SPATA3: variants seen among roughly 807,000 people sequenced by gnomAD.
SPATA3 encodes the protein spermatogenesis-associated protein 3.
A neutral mutation model predicts 5.7 loss-of-function variants in SPATA3; 6 were observed. The observed-to-expected ratio is 1.06, with a 90% CI of 0.58 to 2.09. The LOEUF (loss-of-function observed/expected upper bound fraction) is 2.09. SPATA3 is among the 30% of genes most tolerant of loss of function. The pLI is 0.00. For missense variants in SPATA3, 155 were observed against 130.4 expected (o/e 1.19, Z -0.92); for synonymous variants, 44 against 48.4 (o/e 0.91, Z 0.37).
At chr2:231,017,139 G>C (rs1024288973) in intron 6 of SPATA3, among the ~76,000 whole-genome samples, 1 of 152,178 alleles carries the variant, frequency 6.6e-6, no homozygotes, top group Non-Finnish European at 1.5e-5. Context: ...TCCTGGCTAC[G>C]ATATTAGTTA....
At chr2:231,001,372 C>A (rs1412469567) in intron 2 of SPATA3, among the ~76,000 whole-genome samples, 1 of 152,108 alleles carries the variant, frequency 6.6e-6, no homozygotes, top group African/African-American at 2.4e-5. Context: ...CGACCTCACA[C>A]CCCCACCCCA....
intron 1 of SPATA3, 87 bp from the exon 2 acceptor site, chr2:231,000,279 G>A (rs555222227): frequency 4.1e-6 from 5 of 1,221,300 alleles, no homozygotes; most frequent in East Asian, 5.8e-5. Flanking sequence ...CCGTTGTGGG[G>A]GGCCTTCTCA....
intron 6 of SPATA3, among the ~76,000 whole-genome samples, chr2:231,015,660 G>T (rs145957024): frequency 6.6e-6 from 1 of 152,166 alleles, no homozygotes; most frequent in South Asian, 2.1e-4. Context: ...CAACACACAC[G>T]TCCCAGACCC....
rs1034677165 is a variant in SPATA3 at position 231,018,741 on chromosome 2, A to C, written c.*566-979A>C. On this transcript the variant is annotated intron_variant, in intron 6 of 8. Transcript: ENST00000452881. ...TGCTCTGTCACCCAGGCTGGAGTGC[A>C]GTGGCATAATCTCAGCTCACTGCAA... is the stretch of plus-strand genomic sequence containing the variant. 5.9e-5 allele frequency among the ~76,000 whole-genome samples: 9 copies of C among 151,698 alleles called. No individual in the cohort carries two copies. The South Asian group carries it at 1.5e-3, about 25-fold the overall frequency.
At chr2:231,005,208 TCATCAC>T (rs1692527772), downstream of SPATA3, among the ~76,000 whole-genome samples, 1 of 92,006 alleles carries the variant, frequency 1.1e-5, no homozygotes, top group Non-Finnish European at 2.3e-5. Context: ...ACCATCACCA[TCATCAC>T]CACCATCATC....
intron 1 of SPATA3, chr2:230,999,898 A>G (rs1034286130): frequency 1.1e-4 from 18 of 162,746 alleles, no homozygotes; most frequent in African/African-American, 3.6e-4. Flanking sequence ...TCTACTCCCC[A>G]AAAGGGCATA....
chr2:231,017,046 C>T (rs548272885), intron 6 of SPATA3, among the ~76,000 whole-genome samples: 4 of 152,158 alleles, frequency 2.6e-5, no homozygotes, highest in Admixed American at 6.5e-5. Context: ...AGCTGCATGG[C>T]GTTGCATCAT....
At chr2:231,005,454 C>T (rs1328831054), downstream of SPATA3, among the ~76,000 whole-genome samples, 15 of 22,450 alleles carry the variant, frequency 6.7e-4, no homozygotes, top group South Asian at 3.3e-3. Context: ...ACCATCACCA[C>T]CACCACCACC....
chr2:231,017,542 G>A (rs1025838328), intron 6 of SPATA3, among the ~76,000 whole-genome samples: 7 of 152,244 alleles, frequency 4.6e-5, no homozygotes, highest in Admixed American at 1.3e-4. Flanking sequence ...ACTGGCTGAG[G>A]CCATGTGGGG....
chr2:230,998,123 A>G (rs757753803), intron 1 of SPATA3, among the ~76,000 whole-genome samples: 25 of 152,218 alleles, frequency 1.6e-4, no homozygotes, highest in Non-Finnish European at 2.6e-4. Context: ...TGGATCTGCC[A>G]TGAGCCAGTG....
chr2:231,003,297 C>T (rs182202886), downstream of SPATA3, among the ~76,000 whole-genome samples: 31 of 152,332 alleles, frequency 2.0e-4, no homozygotes, highest in African/African-American at 7.0e-4. Flanking sequence ...ATGATCCTGT[C>T]GTTTGCCTGT....
At chr2:230,996,317 T>C in intron 1 of SPATA3, 3 of 1,546,920 alleles carry the variant, frequency 1.9e-6, no homozygotes, top group Non-Finnish European at 2.6e-6. Context: ...ATTCCACCTC[T>C]CAGCAGCCTA....
At chr2:231,008,119 C>T (rs948156902), downstream of SPATA3, among the ~76,000 whole-genome samples, 13 of 152,198 alleles carry the variant, frequency 8.5e-5, no homozygotes, top group Non-Finnish European at 1.9e-4. Flanking sequence ...CCTGCTGGGG[C>T]GTCGTGGGAT....
downstream of SPATA3, among the ~76,000 whole-genome samples, chr2:231,004,361 G>T (rs1188768217): frequency 6.6e-6 from 1 of 152,208 alleles, no homozygotes; most frequent in Non-Finnish European, 1.5e-5. Context: ...GGGTCCCGTT[G>T]CTGTTGTCAA....
chr2:231,014,191 G>T (rs1223143025), exon 6 of SPATA3: 1 of 152,174 alleles, frequency 6.6e-6, no homozygotes, highest in East Asian at 1.9e-4. Context: ...TCCTTCATTT[G>T]AGAATAAGTT....
intron 7 of SPATA3, among the ~76,000 whole-genome samples, chr2:231,020,109 A>G (rs1181525270): frequency 1.3e-5 from 2 of 150,594 alleles, no homozygotes; most frequent in Non-Finnish European, 3.0e-5. Context: ...CTGTCAACAC[A>G]CTAGATGGAC....
At chr2:231,013,015 A>C (rs1218149712) in intron 5 of SPATA3, among the ~76,000 whole-genome samples, 1 of 152,200 alleles carries the variant, frequency 6.6e-6, no homozygotes, top group Non-Finnish European at 1.5e-5. Flanking sequence ...CGTGCAGGCC[A>C]GACTCGCTTG....
chr2:231,019,375 G>C (rs1040895449), intron 6 of SPATA3, among the ~76,000 whole-genome samples: 7 of 149,058 alleles, frequency 4.7e-5, no homozygotes, highest in Admixed American at 4.0e-4. Context: ...CCAGGCTGGA[G>C]TGCAGTGGTG....
At chr2:231,008,063 T>A (rs150416737), downstream of SPATA3, among the ~76,000 whole-genome samples, 11 of 152,234 alleles carry the variant, frequency 7.2e-5, no homozygotes, top group East Asian at 2.1e-3. Flanking sequence ...CAGCCAGTAC[T>A]AGTGAGTCCT....
Sources: allele counts gnomAD v4.1 joint callset (sites outside exome capture counted in the v4.1 genomes callset), GRCh38; gene constraint gnomAD v4.1.1; transcripts MANE v1.5; gene names NCBI Gene and HGNC (gene_info 2026-07-23, HGNC 2026-07-21).